Variants in CALD1 observed in about 807,000 individuals in gnomAD.
CALD1 encodes the protein caldesmon 1.
CALD1 carries 33 observed loss-of-function variants against 99.9 expected under a neutral mutation model. The ratio of observed to expected loss-of-function variants is 0.33; its 90% CI spans 0.25 to 0.44. The LOEUF (loss-of-function observed/expected upper bound fraction) is 0.44, where lower values mean the gene tolerates loss of function less well. Among genes scored for constraint, CALD1 ranks in the 20% least tolerant of loss-of-function variants. The pLI is 1.00. For missense variants in CALD1, 861 were observed against 962.1 expected (o/e 0.89, Z 1.39); for synonymous variants, 310 against 325.0 (o/e 0.95, Z 0.50).
At chr7:134,871,244 A>C (rs555224989) in intron 3 of CALD1, among the ~76,000 whole-genome samples, 1 of 152,354 alleles carries the variant, frequency 6.6e-6, no homozygotes, top group South Asian at 2.1e-4. Flanking sequence ...GTTTTGAAAA[A>C]AAATAATTCT....
At chr7:134,798,525 A>C (rs1226305461) in intron 1 of CALD1, among the ~76,000 whole-genome samples, 1 of 152,234 alleles carries the variant, frequency 6.6e-6, no homozygotes, top group African/African-American at 2.4e-5. Flanking sequence ...AAGTTGCTTC[A>C]TACCACAGTG....
At chr7:134,739,570 C>G (rs533052868), upstream of CALD1, among the ~76,000 whole-genome samples, 1 of 152,184 alleles carries the variant, frequency 6.6e-6, no homozygotes, top group Non-Finnish European at 1.5e-5. Flanking sequence ...ATGTGCACTA[C>G]TCCCAGGCCT....
intron 3 of CALD1, among the ~76,000 whole-genome samples, chr7:134,899,639 G>C (rs1351804892): frequency 1.1e-3 from 39 of 34,684 alleles, no homozygotes; most frequent in African/African-American, 4.2e-3. Flanking sequence ...TTTCTTTTTT[G>C]TTTTTGTTTT....
rs146563936 is a variant in CALD1 at position 134,882,564 on chromosome 7, G to A, written c.71+14760G>A. The stretch of plus-strand genomic sequence containing the variant: ...TCAAATTACAGGGTTTATGCCAAAC[G>A]TACAGGAGTCCAACAGTGAACAAAC... On this transcript the variant is annotated intron_variant, in intron 3 of 14. Transcript: ENST00000361675. Among the ~76,000 whole-genome samples, 107 of 152,270 alleles carry A rather than the reference G, an allele frequency of 7.0e-4. 1 individual carries two copies. The highest frequency in any genetic ancestry group is 6.8e-3 in the Middle Eastern group (2 of 294).
At chr7:134,899,550 C>T (rs946578783) in intron 3 of CALD1, among the ~76,000 whole-genome samples, 3 of 152,222 alleles carry the variant, frequency 2.0e-5, no homozygotes, top group Non-Finnish European at 2.9e-5. Flanking sequence ...GAGCCTAACC[C>T]ACCCTAGAGC....
chr7:134,867,892 T>C (rs1369362278), intron 3 of CALD1, 88 bp downstream of exon 3: 3 of 706,540 alleles, frequency 4.2e-6, no homozygotes, highest in Admixed American at 2.8e-5. Flanking sequence ...AGAGGCCAAA[T>C]GTGGTCATAT....
chr7:134,729,963 G>A, the CALD1 span, among the ~76,000 whole-genome samples: 969 of 152,240 alleles, frequency 6.4e-3, 12 homozygotes, highest in African/African-American at 0.022. Flanking sequence ...CTGTGGACCC[G>A]GAGCCCCAGA....
intron 3 of CALD1, among the ~76,000 whole-genome samples, chr7:134,923,242 A>G (rs1804747556): frequency 6.6e-6 from 1 of 152,246 alleles, no homozygotes; most frequent in South Asian, 2.1e-4. Context: ...ATACTCCACA[A>G]TAAACCCTCT....
intron 3 of CALD1, among the ~76,000 whole-genome samples, chr7:134,916,924 G>A (rs551442571): frequency 6.6e-6 from 1 of 152,320 alleles, no homozygotes; most frequent in South Asian, 2.1e-4. Flanking sequence ...GAAGACGACA[G>A]TGGAAATTTC....
intron 3 of CALD1, among the ~76,000 whole-genome samples, chr7:134,883,242 T>C (rs1586192886): frequency 6.6e-6 from 1 of 152,322 alleles, no homozygotes; most frequent in South Asian, 2.1e-4. Context: ...AATTCTAAAA[T>C]ACTTAGGAGA....
intron 9 of CALD1, among the ~76,000 whole-genome samples, chr7:134,954,730 CT>C (rs1286582533): frequency 2.6e-5 from 4 of 152,238 alleles, no homozygotes; most frequent in Non-Finnish European, 5.9e-5. Context: ...CTATCCCCTT[CT>C]GCAGTGCCTC....
intron 1 of CALD1, among the ~76,000 whole-genome samples, chr7:134,792,763 C>T (rs1797594328): frequency 6.6e-6 from 1 of 152,142 alleles, no homozygotes; most frequent in African/African-American, 2.4e-5. Context: ...CAATTCAACC[C>T]ATAGTATGTC....
chr7:134,874,269 T>C (rs1376468591), intron 3 of CALD1, among the ~76,000 whole-genome samples: 1 of 152,048 alleles, frequency 6.6e-6, no homozygotes, highest in Non-Finnish European at 1.5e-5. Flanking sequence ...CTCGGCTCAC[T>C]GCAATCTCTG....
intron 1 of CALD1, among the ~76,000 whole-genome samples, chr7:134,810,818 C>T (rs945988645): frequency 1.3e-5 from 2 of 152,164 alleles, no homozygotes; most frequent in Non-Finnish European, 2.9e-5. Context: ...GGGAGTTAGC[C>T]TCTTGGCAAC....
intron 2 of CALD1, among the ~76,000 whole-genome samples, chr7:134,855,715 A>G (rs1379732184): frequency 1.3e-5 from 2 of 152,212 alleles, no homozygotes; most frequent in African/African-American, 2.4e-5. Flanking sequence ...TTGGTTACTT[A>G]ATACAAAATT....
At chr7:134,869,959 T>C (rs1355709748) in intron 3 of CALD1, among the ~76,000 whole-genome samples, 2 of 152,158 alleles carry the variant, frequency 1.3e-5, no homozygotes, top group East Asian at 1.9e-4. Flanking sequence ...ATGGTGGACA[T>C]GGAAGTCTTG....
intron 6 of CALD1, among the ~76,000 whole-genome samples, chr7:134,936,484 T>C (rs1805985490): frequency 6.6e-6 from 1 of 152,204 alleles, no homozygotes; most frequent in South Asian, 2.1e-4. Context: ...CTATATCGAA[T>C]AAGTTCACAA....
At chr7:134,894,818 T>G (rs1246044794) in intron 3 of CALD1, among the ~76,000 whole-genome samples, 5 of 152,198 alleles carry the variant, frequency 3.3e-5, no homozygotes, top group Non-Finnish European at 7.3e-5. Context: ...ACTGGTACTT[T>G]TATCATTTTC....
intron 1 of CALD1, among the ~76,000 whole-genome samples, chr7:134,760,201 G>T (rs1029062030): frequency 2.0e-5 from 3 of 152,182 alleles, no homozygotes; most frequent in African/African-American, 7.2e-5. Flanking sequence ...GGGACTTATA[G>T]GATTGTACCC....
Sources: gnomAD v4.1 joint callset for allele counts (sites outside exome capture counted in the v4.1 genomes callset) on GRCh38, gnomAD v4.1.1 for gene constraint, MANE v1.5 for transcripts, NCBI Gene and HGNC (gene_info 2026-07-23, HGNC 2026-07-21) for gene names.